MAP3K2: variants seen among roughly 807,000 people sequenced by gnomAD.
The protein encoded by MAP3K2 is MAP/ERK kinase kinase 2.
Under a neutral mutation model 80.3 loss-of-function variants are expected in MAP3K2, and 24 were observed. The ratio of observed to expected loss-of-function variants is 0.30; its 90% CI spans 0.22 to 0.42. The LOEUF (loss-of-function observed/expected upper bound fraction) is 0.42, where lower values mean the gene tolerates loss of function less well. MAP3K2 is among the 10% of genes least tolerant of loss of function. The pLI, the probability that MAP3K2 is intolerant of heterozygous loss-of-function variation, is 1.00. For missense variants in MAP3K2, 608 were observed against 750.1 expected, an observed-to-expected ratio of 0.81 and a Z score of 2.21; for synonymous variants, 244 against 253.7, an observed-to-expected ratio of 0.96 and a Z score of 0.36.
At chr2:127,320,576 C>T (rs1685998398) in intron 12 of MAP3K2, among the ~76,000 whole-genome samples, 1 of 152,098 alleles carries the variant, frequency 6.6e-6, no homozygotes. Flanking sequence ...GGAGAGGTAA[C>T]AACTGAGAAC....
At chr2:127,342,386 A>AGGGGGT (rs200323450) in intron 2 of MAP3K2, among the ~76,000 whole-genome samples, 7 of 64,430 alleles carry the variant, frequency 1.1e-4, no homozygotes, top group African/African-American at 3.8e-4. Context: ...GTTCTTCATG[A>AGGGGGT]GGGTGTGTGT....
At chr2:127,344,576 G>A (rs1008289668) in intron 1 of MAP3K2, among the ~76,000 whole-genome samples, 2 of 152,176 alleles carry the variant, frequency 1.3e-5, no homozygotes, top group Admixed American at 6.5e-5. Context: ...AGGCTAAAGT[G>A]GGAAGACTGC....
chr2:127,382,181 A>G (rs932831523), intron 1 of MAP3K2, among the ~76,000 whole-genome samples: 1 of 152,242 alleles, frequency 6.6e-6, no homozygotes, highest in Non-Finnish European at 1.5e-5. Flanking sequence ...ATATTAGAGT[A>G]TATGAAAGAA....
At chr2:127,319,515 G>C (rs1055954047) in intron 12 of MAP3K2, among the ~76,000 whole-genome samples, 3 of 151,910 alleles carry the variant, frequency 2.0e-5, no homozygotes, top group Non-Finnish European at 2.9e-5. Flanking sequence ...AGGCACAAAA[G>C]AAAGGCCAAG....
At chr2:127,347,057 A>G (rs1369401139) in intron 1 of MAP3K2, among the ~76,000 whole-genome samples, 2 of 150,298 alleles carry the variant, frequency 1.3e-5, no homozygotes, top group Non-Finnish European at 2.9e-5. Flanking sequence ...CAGAAAACAC[A>G]TGTGCCAAAA....
At chr2:127,334,181 G>A (rs762810411) in intron 5 of MAP3K2, among the ~76,000 whole-genome samples, 5 of 151,682 alleles carry the variant, frequency 3.3e-5, no homozygotes, top group Admixed American at 6.6e-5. Flanking sequence ...TAGCAAACTG[G>A]GAGAAGTCAC....
At chr2:127,359,067 G>A (rs189496819) in intron 1 of MAP3K2, among the ~76,000 whole-genome samples, 5 of 152,320 alleles carry the variant, frequency 3.3e-5, no homozygotes, top group Admixed American at 3.3e-4. Context: ...GTGGACCACA[G>A]AGGATTTTTA....
intron 1 of MAP3K2, among the ~76,000 whole-genome samples, 172 bp downstream of exon 1, chr2:127,387,280 G>A (rs1574014061): frequency 6.6e-6 from 1 of 151,950 alleles, no homozygotes; most frequent in East Asian, 1.9e-4. Flanking sequence ...GGGGGCCCAA[G>A]GTCCGCCCTC....
At chr2:127,349,474 C>G (rs1255022745) in intron 1 of MAP3K2, among the ~76,000 whole-genome samples, 1 of 152,028 alleles carries the variant, frequency 6.6e-6, no homozygotes, top group Non-Finnish European at 1.5e-5. Context: ...GAAAGTGCTC[C>G]CTTCATCATG....
chr2:127,331,080 C>T (rs376744584), intron 5 of MAP3K2, among the ~76,000 whole-genome samples: 2 of 152,112 alleles, frequency 1.3e-5, no homozygotes, highest in Non-Finnish European at 2.9e-5. Context: ...CCACTATACC[C>T]TAAAACAAAT....
chr2:127,305,096 T>C lies in MAP3K2; in HGVS notation c.*2483A>G, dbSNP rs1685670893. On this transcript the variant is annotated 3_prime_UTR_variant, in exon 17 of 17. Transcript: ENST00000682094. ...ACAGAGACTGAAAAAAAAACAGTTT[T>C]GCTCTGGGTTCTACAGTCTCACCAG... 6.6e-6 allele frequency: 1 copy of C among 152,526 alleles called. No homozygotes were observed. Among genetic ancestry groups the C allele is most frequent in the South Asian group, 2.1e-4 (1 of 4,830 alleles). The allele number at this position is 152,526 out of a possible 1,614,324, so 9.4% of individuals were successfully genotyped here. A position where few individuals can be genotyped will look rare whatever the true frequency, so the allele number is the denominator to read the frequency against.
At chr2:127,360,758 T>C (rs1686871653) in intron 1 of MAP3K2, among the ~76,000 whole-genome samples, 1 of 152,210 alleles carries the variant, frequency 6.6e-6, no homozygotes, top group Admixed American at 6.5e-5. Flanking sequence ...GATTCCTTTG[T>C]TTGCCAGACC....
upstream of MAP3K2, chr2:127,388,205 C>G (rs1014056653): frequency 5.1e-6 from 5 of 985,392 alleles, no homozygotes; most frequent in African/African-American, 1.7e-5. Flanking sequence ...CGCCCCTGCC[C>G]CGGGGCAGCC....
intron 10 of MAP3K2, 46 bp downstream of exon 10, chr2:127,324,128 T>C (rs1686082978): frequency 9.1e-6 from 12 of 1,318,706 alleles, no homozygotes; most frequent in Non-Finnish European, 1.2e-5. Flanking sequence ...CAAAACATTA[T>C]CCAATGACAT....
rs1421908432 is a variant in MAP3K2 at position 127,317,672 on chromosome 2, G to A, written c.1283C>T (p.Pro428Leu). 2 of 1,587,962 alleles carry A rather than the reference G, an allele frequency of 1.3e-6. No homozygotes were observed. The highest frequency in any genetic ancestry group is 2.3e-5 in the East Asian group (1 of 44,242). Residue 428 changes from proline to leucine, a missense_variant, in exon 14 of 17, where the codon CCC (proline) becomes CTC (leucine). Pro to Leu is a moderately conservative substitution (Grantham distance 98). Around this residue, in one of 4 missense-constraint regions of MAP3K2, gnomAD observed 467 missense variants for 521.9 expected, o/e 0.89. Coordinates refer to ENST00000682094, the MANE Select transcript of MAP3K2 (RefSeq NM_001371910.2). ...AAATATGGAAAGTGTTTTTTCCTGGGGATCCCTCAAACAGCCATAATACTG... is the reference window on the plus strand; with the variant it reads ...AAATATGGAAAGTGTTTTTTCCTGGAGATCCCTCAAACAGCCATAATACTG... ...IVQYYGCLRD[P>L]QEKTLSIFME...
chr2:127,312,132 T>G (rs1685819067), intron 15 of MAP3K2, among the ~76,000 whole-genome samples: 1 of 152,256 alleles, frequency 6.6e-6, no homozygotes, highest in African/African-American at 2.4e-5. Context: ...TTAAGTGATA[T>G]CAGCAGCTAT....
intron 1 of MAP3K2, among the ~76,000 whole-genome samples, chr2:127,380,849 AAGAGG>A (rs1347123090): frequency 6.6e-6 from 1 of 152,212 alleles, no homozygotes. Flanking sequence ...CTTTGAGAAT[AAGAGG>A]AAAGGTTTTT....
chr2:127,301,122 T>C lies in MAP3K2; in HGVS notation c.*6457A>G, dbSNP rs1685583971. 6.6e-6 allele frequency: 1 copy of C among 152,374 alleles called. No homozygotes were observed. Among genetic ancestry groups the C allele is most frequent in the South Asian group, 2.1e-4 (1 of 4,834 alleles). The allele number at this position is 152,374 out of a possible 1,614,324, so 9.4% of individuals were successfully genotyped here. A position where few individuals can be genotyped will look rare whatever the true frequency, so the allele number is the denominator to read the frequency against. ...AGAAATTATTTGGGGACAAGTCCTG[T>C]ACATATAGTAGAAGCAGATACTTCC... On this transcript the variant is annotated 3_prime_UTR_variant, in exon 17 of 17. Transcript: ENST00000682094.
intron 1 of MAP3K2, among the ~76,000 whole-genome samples, chr2:127,355,890 A>G (rs1686789383): frequency 6.6e-6 from 1 of 152,126 alleles, no homozygotes; most frequent in Non-Finnish European, 1.5e-5. Context: ...CAGTAAGTTT[A>G]TGTAACATTC....
Sources: allele counts gnomAD v4.1 joint callset (sites outside exome capture counted in the v4.1 genomes callset), GRCh38; gene constraint gnomAD v4.1.1; regional missense constraint gnomAD v4.1.1; transcripts MANE v1.5; gene names NCBI Gene and HGNC (gene_info 2026-07-23, HGNC 2026-07-21).